CPQ: variants seen among roughly 807,000 people sequenced by gnomAD.
The protein encoded by CPQ is carboxypeptidase Q, also known as Ser-Met dipeptidase.
A neutral mutation model predicts 45.7 loss-of-function variants in CPQ; 37 were observed. The ratio of observed to expected loss-of-function variants is 0.81; its 90% CI spans 0.62 to 1.07. The LOEUF is 1.07. CPQ is among the 50% of genes least tolerant of loss of function. CPQ has a pLI of 0.00. For missense variants in CPQ, 537 were observed against 572.9 expected (o/e 0.94, Z 0.64); for synonymous variants, 186 against 205.8 (o/e 0.90, Z 0.82).
At chr8:96,705,717 A>C (rs1358996687) in intron 1 of CPQ, among the ~76,000 whole-genome samples, 1 of 151,850 alleles carries the variant, frequency 6.6e-6, no homozygotes, top group African/African-American at 2.4e-5. Flanking sequence ...CTCTCTCTTG[A>C]CTATCTGTTT....
rs1396186041 is a variant in CPQ, at chr8:97,066,140, C to T, written c.1185C>T (p.Leu395=). The change falls in exon 7 of 8, where the codon CTC becomes CTT. Residue 395 remains leucine (L), a synonymous_variant. Coordinates refer to ENST00000220763, the MANE Select transcript of CPQ (RefSeq NM_016134.4). ...AGGTTATGAGCCTGCTGCAGCCCCTCAATATCACTCAGGTCCTGAGCCATG... is the reference window on the plus strand; with the variant it reads ...AGGTTATGAGCCTGCTGCAGCCCCTTAATATCACTCAGGTCCTGAGCCATG... The part of the protein sequence containing the change: ...MEEVMSLLQP[L]NITQVLSHGE... 1.9e-6 allele frequency: 3 copies of T among 1,611,898 alleles called. No homozygotes were observed. The highest frequency in any genetic ancestry group is 2.5e-6 in the Non-Finnish European group (3 of 1,179,400).
intron 2 of CPQ, among the ~76,000 whole-genome samples, chr8:96,799,457 A>ATT (rs374391291): frequency 1.7e-4 from 26 of 149,512 alleles, no homozygotes; most frequent in African/African-American, 6.4e-4. Context: ...CATTTTCAGT[A>ATT]TTTTTTTTTT....
At position 96,790,522 on chromosome 8, in the gene CPQ, A is replaced by T. The variant is rs1246998810; in HGVS notation, c.433+5192A>T. 3.0e-4 allele frequency among the ~76,000 whole-genome samples: 45 copies of T among 152,142 alleles called. 1 individual carries two copies. Among genetic ancestry groups the T allele is most frequent in the Admixed American group, 2.9e-3 (45 of 15,260 alleles). On this transcript the variant is annotated intron_variant, in intron 2 of 7. Coordinates refer to ENST00000220763, the MANE Select transcript of CPQ (RefSeq NM_016134.4). ...TAGAACAGAGGTTCTACCACAAGGT[A>T]ATGGGGTTGGGGAATGAGAAACACT...
chr8:96,856,522 G>A (rs1811853386), intron 3 of CPQ, among the ~76,000 whole-genome samples: 1 of 152,216 alleles, frequency 6.6e-6, no homozygotes, highest in African/African-American at 2.4e-5. Context: ...TGTAGGTACA[G>A]TGAGAGAAGG....
chr8:97,042,035 G>C (rs933974683), intron 6 of CPQ, among the ~76,000 whole-genome samples: 5 of 151,898 alleles, frequency 3.3e-5, no homozygotes, highest in African/African-American at 1.2e-4. Flanking sequence ...TTTTTCTATT[G>C]ATTGGAATAG....
chr8:96,970,493 T>C (rs1001268922), intron 5 of CPQ, among the ~76,000 whole-genome samples: 2 of 151,944 alleles, frequency 1.3e-5, no homozygotes, highest in Non-Finnish European at 2.9e-5. Context: ...AAAAGCTAAG[T>C]ACCTTGCCCA....
intron 4 of CPQ, among the ~76,000 whole-genome samples, chr8:96,954,555 A>G (rs1027385928): frequency 1.2e-4 from 19 of 152,020 alleles, no homozygotes; most frequent in African/African-American, 4.3e-4. Context: ...CCTTTGTGGT[A>G]TCTATTAAGT....
intron 3 of CPQ, among the ~76,000 whole-genome samples, chr8:96,873,055 G>T (rs1276768155): frequency 2.0e-5 from 3 of 151,680 alleles, no homozygotes; most frequent in Non-Finnish European, 4.4e-5. Context: ...GCACTCTTGT[G>T]GAGTTGGCTG....
intron 5 of CPQ, among the ~76,000 whole-genome samples, chr8:97,023,563 G>T (rs1270830709): frequency 1.4e-4 from 22 of 152,220 alleles, no homozygotes; most frequent in Admixed American, 1.4e-3. Context: ...TGCACTTGGA[G>T]TCATAATGTT....
At chr8:96,888,782 G>A (rs751692101) in intron 4 of CPQ, among the ~76,000 whole-genome samples, 11 of 152,194 alleles carry the variant, frequency 7.2e-5, no homozygotes, top group Non-Finnish European at 1.6e-4. Context: ...AACATTTTGT[G>A]AAACAGTAGG....
At chr8:96,744,313 C>G (rs138576601) in intron 1 of CPQ, among the ~76,000 whole-genome samples, 2 of 152,238 alleles carry the variant, frequency 1.3e-5, no homozygotes. Flanking sequence ...CCGAGTGAGG[C>G]AATGCCTCGC....
chr8:97,060,581 A>G (rs1432856477), intron 6 of CPQ, among the ~76,000 whole-genome samples: 2 of 152,152 alleles, frequency 1.3e-5, no homozygotes, highest in Non-Finnish European at 2.9e-5. Flanking sequence ...ATCTGAGTTT[A>G]TCATTGAGCT....
chr8:96,679,560 TCTTAA>T lies in CPQ; in HGVS notation c.-35+34162_-35+34166del, dbSNP rs143643603. On this transcript the variant is annotated intron_variant, in intron 1 of 7. Transcript: ENST00000220763. The stretch of plus-strand genomic sequence containing the variant: ...GTAAAGCCATCTGCTCCTGGTCTTT[TCTTAA>T]CTTGAGACATTTTATTAATGATTAT... Among the ~76,000 whole-genome samples, 152 of 152,216 alleles carry T rather than the reference TCTTAA, an allele frequency of 1.0e-3. 2 individuals carry two copies. The highest frequency in any genetic ancestry group is 3.1e-3 in the African/African-American group (128 of 41,562).
intron 5 of CPQ, among the ~76,000 whole-genome samples, chr8:97,029,055 A>T (rs1809848880): frequency 6.6e-6 from 1 of 152,214 alleles, no homozygotes; most frequent in South Asian, 2.1e-4. Flanking sequence ...GCTTGGGGTC[A>T]TCCTAACTGC....
intron 7 of CPQ, among the ~76,000 whole-genome samples, chr8:97,121,320 T>C (rs1811698650): frequency 6.6e-6 from 1 of 152,190 alleles, no homozygotes; most frequent in African/African-American, 2.4e-5. Flanking sequence ...AAACAACTAA[T>C]TTCATACCTT....
chr8:97,095,392 T>G (rs1363519229), intron 7 of CPQ, among the ~76,000 whole-genome samples: 3 of 152,180 alleles, frequency 2.0e-5, no homozygotes, highest in Non-Finnish European at 4.4e-5. Context: ...AGTCAATCCT[T>G]AAGATAATGC....
At chr8:97,085,684 C>A (rs1811029613) in intron 7 of CPQ, among the ~76,000 whole-genome samples, 1 of 151,932 alleles carries the variant, frequency 6.6e-6, no homozygotes, top group African/African-American at 2.4e-5. Context: ...ATAGGTACTG[C>A]CTTTGGACAT....
intron 4 of CPQ, among the ~76,000 whole-genome samples, chr8:96,908,481 G>A (rs1217216127): frequency 2.0e-5 from 3 of 151,958 alleles, no homozygotes; most frequent in South Asian, 2.1e-4. Context: ...TTTAGAGAGC[G>A]ACCTCCCCGC....
chr8:96,697,786 G>C (rs1809405402), intron 1 of CPQ, among the ~76,000 whole-genome samples: 1 of 151,810 alleles, frequency 6.6e-6, no homozygotes, highest in African/African-American at 2.4e-5. Flanking sequence ...TAAATACCTA[G>C]GAATTAACCA....
Sources: gnomAD v4.1 joint callset for allele counts (sites outside exome capture counted in the v4.1 genomes callset) on GRCh38, gnomAD v4.1.1 for gene constraint, MANE v1.5 for transcripts, NCBI Gene and HGNC (gene_info 2026-07-23, HGNC 2026-07-21) for gene names.